PTPRD: variants seen among roughly 807,000 people sequenced by gnomAD.
The protein encoded by PTPRD is receptor-type tyrosine-protein phosphatase delta.
Under a neutral mutation model 214.5 loss-of-function variants are expected in PTPRD, and 34 were observed. The observed-to-expected ratio is 0.16, with a 90% CI of 0.12 to 0.21. The LOEUF is 0.21. Ranked by LOEUF, PTPRD falls within the 10% of genes least tolerant of loss-of-function variation. PTPRD has a pLI of 1.00. For missense variants in PTPRD, 2,545 were observed against 2,398.7 expected, an observed-to-expected ratio of 1.06 and a Z score of -1.27; for synonymous variants, 1,128 against 845.7, an observed-to-expected ratio of 1.33 and a Z score of -5.79.
At chr9:10,443,090 GAA>G (rs201814001) in intron 2 of PTPRD, among the ~76,000 whole-genome samples, 4 of 119,976 alleles carry the variant, frequency 3.3e-5, no homozygotes, top group Admixed American at 1.7e-4. Flanking sequence ...AGCAATTTCA[GAA>G]AAAAAAAAAA....
chr9:9,469,932 T>G (rs1478583336), intron 8 of PTPRD, among the ~76,000 whole-genome samples: 2 of 152,128 alleles, frequency 1.3e-5, no homozygotes, highest in Non-Finnish European at 2.9e-5. Flanking sequence ...GGGAACATTA[T>G]TTGGATGTAG....
chr9:10,566,754 T>A (rs2065758444), intron 2 of PTPRD, among the ~76,000 whole-genome samples: 1 of 152,020 alleles, frequency 6.6e-6, no homozygotes, highest in Non-Finnish European at 1.5e-5. Flanking sequence ...AATTTTCCCT[T>A]ACCTTGAGTC....
chr9:8,485,952 G>A lies in PTPRD; in HGVS notation c.2865C>T (p.Thr955=), dbSNP rs752908323. Residue 955 remains threonine (T), a synonymous_variant, in exon 28 of 46, where the codon ACC becomes ACT. Transcript: ENST00000381196. The stretch of plus-strand genomic sequence containing the variant: ...GGATGTTGATATCCCTATAAAGAAG[G>A]GTATACTTGGTGATAATGCCATTTC... ...AERNGIITKY[T]LLYRDINIPL... The A allele has an allele frequency of 6.2e-7, 1 of 1,614,146 alleles. No homozygotes were observed. Among genetic ancestry groups the A allele is most frequent in the South Asian group, 1.1e-5 (1 of 91,078 alleles).
At chr9:10,009,507 A>C (rs189650466) in intron 4 of PTPRD, among the ~76,000 whole-genome samples, 4 of 152,086 alleles carry the variant, frequency 2.6e-5, no homozygotes, top group African/African-American at 9.6e-5. Context: ...ATACACCTAG[A>C]AGCAATAGAA....
intron 14 of PTPRD, among the ~76,000 whole-genome samples, chr9:8,555,237 G>C (rs989995706): frequency 1.3e-5 from 2 of 152,048 alleles, no homozygotes; most frequent in Admixed American, 1.3e-4. Flanking sequence ...GACCCTGTCT[G>C]TATAAAAAGA....
At chr9:8,924,346 G>T (rs972947443) in intron 11 of PTPRD, among the ~76,000 whole-genome samples, 1 of 152,042 alleles carries the variant, frequency 6.6e-6, no homozygotes, top group Non-Finnish European at 1.5e-5. Context: ...TCTCTTCTTG[G>T]TACAAGGAGA....
intron 9 of PTPRD, among the ~76,000 whole-genome samples, chr9:9,373,625 T>C (rs1281760216): frequency 6.6e-6 from 1 of 152,142 alleles, no homozygotes; most frequent in Non-Finnish European, 1.5e-5. Context: ...TCTCTGATTC[T>C]GCCAGCACAT....
At chr9:8,866,310 T>C (rs2098194434) in intron 11 of PTPRD, among the ~76,000 whole-genome samples, 1 of 152,172 alleles carries the variant, frequency 6.6e-6, no homozygotes, top group Non-Finnish European at 1.5e-5. Flanking sequence ...TGTTCAGTTC[T>C]TTAAGATCAT....
In PTPRD at chr9:9,119,589, G is replaced by T. The variant is rs545989057; in HGVS notation, c.-143+63715C>A. 1.3e-4 allele frequency among the ~76,000 whole-genome samples: 20 copies of T among 151,794 alleles called. No individual in the cohort carries two copies. In the East Asian group the frequency reaches 3.9e-3, roughly 30 times the overall value. On this transcript the variant is annotated intron_variant, in intron 10 of 45. Coordinates refer to ENST00000381196, the MANE Select transcript of PTPRD (RefSeq NM_002839.4). ...CTGTAGCCCAAGCTGGAGTGCAGTG[G>T]CACAATCTCGGCTCACTGCAACCTC... is the stretch of plus-strand genomic sequence containing the variant.
At chr9:10,338,484 TGTGGGTATTCA>T (rs1395445059) in intron 3 of PTPRD, among the ~76,000 whole-genome samples, 1 of 151,808 alleles carries the variant, frequency 6.6e-6, no homozygotes, top group Non-Finnish European at 1.5e-5. Flanking sequence ...CAGCACATAC[TGTGGGTATTCA>T]GTGTTCATCC....
intron 5 of PTPRD, among the ~76,000 whole-genome samples, chr9:9,892,593 T>G (rs556835083): frequency 6.6e-6 from 1 of 152,102 alleles, no homozygotes; most frequent in African/African-American, 2.4e-5. Context: ...TGAAAAAGCA[T>G]TGGAACATTT....
At chr9:8,340,553 G>T in intron 41 of PTPRD, 84 bp from the exon 42 acceptor site, 1 of 1,355,238 alleles carries the variant, frequency 7.4e-7, no homozygotes, top group Non-Finnish European at 9.7e-7. Context: ...ACATCAACCT[G>T]CTAATAAAAA....
intron 8 of PTPRD, among the ~76,000 whole-genome samples, chr9:9,442,975 A>ATG (rs1000341451): frequency 4.6e-5 from 7 of 152,134 alleles, no homozygotes; most frequent in African/African-American, 9.6e-5. Context: ...GTACATATAT[A>ATG]TGTGTGTGTG....
At chr9:10,467,455 C>A (rs1391214579) in intron 2 of PTPRD, among the ~76,000 whole-genome samples, 2 of 152,116 alleles carry the variant, frequency 1.3e-5, no homozygotes, top group Non-Finnish European at 2.9e-5. Context: ...ATGCACTGCA[C>A]CCTCCCCATA....
intron 5 of PTPRD, among the ~76,000 whole-genome samples, chr9:9,857,483 C>G (rs755517455): frequency 6.6e-6 from 1 of 152,166 alleles, no homozygotes; most frequent in Non-Finnish European, 1.5e-5. Flanking sequence ...TTTTCATCCT[C>G]TCCTATAGCC....
At chr9:9,904,025 T>C (rs2076995546) in intron 5 of PTPRD, among the ~76,000 whole-genome samples, 1 of 152,106 alleles carries the variant, frequency 6.6e-6, no homozygotes, top group African/African-American at 2.4e-5. Context: ...CAGTTACCCC[T>C]GGCAAAGTTC....
At chr9:10,367,511 T>C (rs994667715) in intron 2 of PTPRD, among the ~76,000 whole-genome samples, 22 of 152,220 alleles carry the variant, frequency 1.4e-4, no homozygotes, top group Non-Finnish European at 1.5e-5. Context: ...AAAATAATGT[T>C]GAAAGTTTCA....
At chr9:9,133,676 G>C (rs898517737) in intron 10 of PTPRD, among the ~76,000 whole-genome samples, 1 of 152,160 alleles carries the variant, frequency 6.6e-6, no homozygotes, top group African/African-American at 2.4e-5. Context: ...AAGAAGCATT[G>C]TTCGGTTACT....
intron 7 of PTPRD, among the ~76,000 whole-genome samples, chr9:9,677,139 C>T (rs1483498294): frequency 3.3e-5 from 5 of 151,996 alleles, no homozygotes; most frequent in Non-Finnish European, 5.9e-5. Flanking sequence ...TAATTAGATC[C>T]CATTTGTCAA....
Sources: gnomAD v4.1 joint callset for allele counts (sites outside exome capture counted in the v4.1 genomes callset) on GRCh38, gnomAD v4.1.1 for gene constraint, MANE v1.5 for transcripts, NCBI Gene and HGNC (gene_info 2026-07-23, HGNC 2026-07-21) for gene names.